Variants in BNC2 observed in about 807,000 individuals in gnomAD.
BNC2 encodes zinc finger protein basonuclin-2.
BNC2 carries 20 observed loss-of-function variants against 76.3 expected under a neutral mutation model. The ratio of observed to expected loss-of-function variants is 0.26; its 90% CI spans 0.18 to 0.38. The LOEUF is 0.38. Among genes scored for constraint, BNC2 ranks in the 10% least tolerant of loss-of-function variants. The pLI is 1.00. For synonymous variants in BNC2, 582 were observed against 514.8 expected, an observed-to-expected ratio of 1.13 and a Z score of -1.77; for missense variants, 1,382 against 1,399.8, an observed-to-expected ratio of 0.99 and a Z score of 0.20.
chr9:16,480,725 G>C lies in BNC2; in HGVS notation c.670-43201C>G, dbSNP rs559407396. Among the ~76,000 whole-genome samples, 11 of 152,212 alleles carry C rather than the reference G, an allele frequency of 7.2e-5. 1 individual carries two copies. The highest frequency in any genetic ancestry group is 3.2e-3 in the Middle Eastern group (1 of 316). ...CTGGCGCTGTACTTGATTTCTCACC[G>C]GGCCCTAGCTGCCTTCCGGCGGGGC... On this transcript the variant is annotated intron_variant, in intron 5 of 6. Transcript: ENST00000380672.
At chr9:16,767,344 T>C (rs1825723419) in intron 1 of BNC2, among the ~76,000 whole-genome samples, 1 of 152,176 alleles carries the variant, frequency 6.6e-6, no homozygotes, top group African/African-American at 2.4e-5. Context: ...TAAAACTGGC[T>C]GGGGGTCAGT....
intron 1 of BNC2, among the ~76,000 whole-genome samples, chr9:16,804,955 G>A (rs1402631934): frequency 3.3e-5 from 5 of 152,020 alleles, no homozygotes; most frequent in African/African-American, 4.8e-5. Flanking sequence ...CCAGCTACTC[G>A]GGAGGCTGAG....
chr9:16,713,855 G>A (rs1340492582), intron 3 of BNC2, among the ~76,000 whole-genome samples: 1 of 152,140 alleles, frequency 6.6e-6, no homozygotes, highest in Non-Finnish European at 1.5e-5. Context: ...TGGGCAGATC[G>A]CTTGAGCTCA....
rs7045358 is a variant in BNC2, at chr9:16,789,355, A to G, written c.4-50870T>C. Among the ~76,000 whole-genome samples, 1,419 of 152,258 alleles carry G rather than the reference A, an allele frequency of 9.3e-3. 17 individuals are homozygous for G. Among genetic ancestry groups the G allele is most frequent in the African/African-American group, 0.032 (1,348 of 41,546 alleles). ...CAATACAATAAAATGGGTCCATTTTACTGTGTATAAATTATACCTTAATTT... is the reference window on the plus strand; with the variant it reads ...CAATACAATAAAATGGGTCCATTTTGCTGTGTATAAATTATACCTTAATTT... On this transcript the variant is annotated intron_variant, in intron 1 of 6. Coordinates refer to ENST00000380672, the MANE Select transcript of BNC2 (RefSeq NM_017637.6).
intron 4 of BNC2, among the ~76,000 whole-genome samples, chr9:16,560,523 A>T (rs1393650483): frequency 6.6e-6 from 1 of 150,490 alleles, no homozygotes; most frequent in African/African-American, 2.5e-5. Context: ...ATCTGCCTGG[A>T]CAACACAGTG....
At chr9:16,568,849 C>A (rs2132805790) in intron 4 of BNC2, among the ~76,000 whole-genome samples, 1 of 152,182 alleles carries the variant, frequency 6.6e-6, no homozygotes, top group East Asian at 1.9e-4. Context: ...TTTAGATCTG[C>A]ACATTTTATT....
chr9:16,457,331 T>C (rs909419712), intron 5 of BNC2, among the ~76,000 whole-genome samples: 1 of 152,074 alleles, frequency 6.6e-6, no homozygotes, highest in African/African-American at 2.4e-5. Context: ...TAGGGACCTG[T>C]GTTGGGGGTC....
chr9:16,660,988 G>C (rs1041351886), intron 3 of BNC2, among the ~76,000 whole-genome samples: 1 of 152,132 alleles, frequency 6.6e-6, no homozygotes, highest in African/African-American at 2.4e-5. Context: ...ATTCTCTACA[G>C]ATACTGAAGG....
chr9:16,417,014 C>G lies in BNC2; in HGVS notation c.*1975G>C, dbSNP rs1286710771. 1 of 152,486 alleles carries G rather than the reference C, an allele frequency of 6.6e-6. No individual in the cohort carries two copies. Among genetic ancestry groups the G allele is most frequent in the Non-Finnish European group, 1.5e-5 (1 of 68,020 alleles). The allele number at this position is 152,486 out of a possible 1,614,324, so 9.4% of individuals were successfully genotyped here. A position where few individuals can be genotyped will look rare whatever the true frequency, so the allele number is the denominator to read the frequency against. Reference sequence around the variant, plus strand: ...AGTTAAAATAAAGGGATATTTCTAACTTTTAGACTGATGAAAGAAATGTCT... The same window carrying G: ...AGTTAAAATAAAGGGATATTTCTAAGTTTTAGACTGATGAAAGAAATGTCT... On this transcript the variant is annotated 3_prime_UTR_variant, in exon 7 of 7. Coordinates refer to ENST00000380672, the MANE Select transcript of BNC2 (RefSeq NM_017637.6).
chr9:16,617,992 A>G (rs1820758742), intron 3 of BNC2, among the ~76,000 whole-genome samples: 1 of 152,340 alleles, frequency 6.6e-6, no homozygotes, highest in Non-Finnish European at 1.5e-5. Flanking sequence ...CAATGGCAGT[A>G]AAGCCATGCC....
intron 3 of BNC2, among the ~76,000 whole-genome samples, chr9:16,647,178 T>G (rs1295637640): frequency 6.6e-6 from 1 of 152,170 alleles, no homozygotes; most frequent in Non-Finnish European, 1.5e-5. Context: ...AGCCCTTCTT[T>G]GTTGAGATTT....
rs201746353 is a variant in BNC2 at position 16,664,079 on chromosome 9, G to A, written c.330+63718C>T. On this transcript the variant is annotated intron_variant, in intron 3 of 6. Coordinates refer to ENST00000380672, the MANE Select transcript of BNC2 (RefSeq NM_017637.6). ...CGATTCCACCTTTATCCTGCTTCTC[G>A]AAATAATAGGCCTTTATTCCTCCTG... Among the ~76,000 whole-genome samples the A allele has an allele frequency of 9.9e-5, 15 of 152,158 alleles. 1 individual carries two copies. In the East Asian group the frequency reaches 2.5e-3, roughly 25 times the overall value.
rs754309176 is a variant in BNC2 at position 16,436,920 on chromosome 9, C to A, written c.1274G>T (p.Arg425Leu). ...TKTEHPKSSF[R>L]IHRMRRMGSA... ...CCCCATCCTTCTCATCCGATGAATC[C>A]GGAATGAGCTTTTTGGGTGTTCAGT... The change falls in exon 6 of 7, where the codon CGG becomes CTG. Residue 425 changes from arginine to leucine, a missense_variant. This residue lies in a region of BNC2 where 557 missense variants were observed against 540.9 expected (regional missense o/e 1.03). Transcript: ENST00000380672. 2 of 1,614,066 alleles carry A rather than the reference C, an allele frequency of 1.2e-6. No individual in the cohort carries two copies. The highest frequency in any genetic ancestry group is 2.2e-5 in the East Asian group (1 of 44,868).
intron 3 of BNC2, among the ~76,000 whole-genome samples, chr9:16,653,806 G>A (rs757141277): frequency 2.0e-5 from 3 of 152,172 alleles, no homozygotes; most frequent in Admixed American, 2.0e-4. Context: ...TGTGCCCTCA[G>A]TGTAAAACAA....
chr9:16,780,250 A>AAAC (rs572503672), intron 1 of BNC2, among the ~76,000 whole-genome samples: 13,239 of 123,938 alleles, frequency 0.11, 1,222 homozygotes, highest in East Asian at 0.46. Context: ...AAAAAAAAAA[A>AAAC]AAAAAACAAA....
intron 3 of BNC2, among the ~76,000 whole-genome samples, chr9:16,683,821 A>G (rs1224789722): frequency 6.6e-6 from 1 of 152,212 alleles, no homozygotes; most frequent in East Asian, 1.9e-4. Flanking sequence ...AGTGGGTCCC[A>G]GCTACTTGAC....
intron 3 of BNC2, among the ~76,000 whole-genome samples, chr9:16,651,598 A>C (rs1485535709): frequency 6.6e-6 from 1 of 152,158 alleles, no homozygotes; most frequent in Non-Finnish European, 1.5e-5. Context: ...ATTACTGAAA[A>C]GGGTGATGTA....
At chr9:16,575,298 T>C (rs530398463) in intron 4 of BNC2, 1 of 985,404 alleles carries the variant, frequency 1.0e-6, no homozygotes, top group South Asian at 4.7e-5. Context: ...GCTCTGTGTG[T>C]TTCATTCTCA....
intron 5 of BNC2, among the ~76,000 whole-genome samples, chr9:16,485,810 A>C (rs920285622): frequency 1.3e-4 from 20 of 152,170 alleles, no homozygotes; most frequent in African/African-American, 4.6e-4. Flanking sequence ...CCCTGTCTCA[A>C]AAAGAAAAGA....
Sources: allele counts gnomAD v4.1 joint callset (sites outside exome capture counted in the v4.1 genomes callset), GRCh38; gene constraint gnomAD v4.1.1; regional missense constraint gnomAD v4.1.1; transcripts MANE v1.5; gene names NCBI Gene and HGNC (gene_info 2026-07-23, HGNC 2026-07-21).